TENM3: variants seen among roughly 807,000 people sequenced by gnomAD.
TENM3 encodes the protein teneurin-3.
A neutral mutation model predicts 255.1 loss-of-function variants in TENM3; 63 were observed. The ratio of observed to expected loss-of-function variants is 0.25; its 90% CI spans 0.20 to 0.30. TENM3 has a LOEUF of 0.30. TENM3 is among the 10% of genes least tolerant of loss of function. The pLI is 1.00. For missense variants in TENM3, 2,929 were observed against 3,461.1 expected (o/e 0.85, Z 3.86); for synonymous variants, 1,306 against 1,322.3 (o/e 0.99, Z 0.27).
the TENM3 span, among the ~76,000 whole-genome samples, chr4:181,655,682 A>G: frequency 1.3e-5 from 2 of 152,222 alleles, no homozygotes; most frequent in Non-Finnish European, 2.9e-5. Context: ...GTGTTATCCC[A>G]TTAAGACCTG....
chr4:182,479,651 T>C (rs1734005725), intron 3 of TENM3, among the ~76,000 whole-genome samples: 1 of 151,994 alleles, frequency 6.6e-6, no homozygotes, highest in Non-Finnish European at 1.5e-5. Flanking sequence ...TCATTTGTAG[T>C]GTTGAAAATA....
the TENM3 span, among the ~76,000 whole-genome samples, chr4:181,599,903 T>C: frequency 0.022 from 3,299 of 152,262 alleles, 56 homozygotes; most frequent in South Asian, 0.057. Flanking sequence ...GCCCCAGACC[T>C]AGACAATTCG....
chr4:181,960,572 G>A, the TENM3 span, among the ~76,000 whole-genome samples: 2 of 152,270 alleles, frequency 1.3e-5, no homozygotes, highest in Non-Finnish European at 2.9e-5. Flanking sequence ...TTTCCTTGAA[G>A]TAGGCTCTGA....
intron 12 of TENM3, among the ~76,000 whole-genome samples, chr4:182,703,581 A>G (rs1758051787): frequency 1.3e-5 from 2 of 152,254 alleles, no homozygotes; most frequent in African/African-American, 4.8e-5. Flanking sequence ...AGTGGTAAAC[A>G]TCTTTGCATA....
rs529550211 is a variant in TENM3, at chr4:182,362,589, C to T, written c.511+15660C>T. ...AAGCCCGTCGGAAAAGCTCAGTACT[C>T]GGGTGGGAGTGACCCGATTTTCCAG... is the stretch of plus-strand genomic sequence containing the variant. On this transcript the variant is annotated intron_variant, in intron 3 of 27. Transcript: ENST00000511685. Among the ~76,000 whole-genome samples, 57 of 152,210 alleles carry T rather than the reference C, an allele frequency of 3.7e-4. 1 individual carries two copies. Among genetic ancestry groups the T allele is most frequent in the African/African-American group, 1.1e-3 (45 of 41,510 alleles).
the TENM3 span, among the ~76,000 whole-genome samples, chr4:181,969,198 T>C: frequency 5.9e-5 from 9 of 152,200 alleles, no homozygotes; most frequent in Non-Finnish European, 1.3e-4. Flanking sequence ...ACGTTACAAA[T>C]GTTGACTAAC....
At chr4:182,438,439 T>C (rs1772209592) in intron 3 of TENM3, among the ~76,000 whole-genome samples, 1 of 152,204 alleles carries the variant, frequency 6.6e-6, no homozygotes, top group Admixed American at 6.5e-5. Context: ...CATCACGCAA[T>C]AGAGTAAGCT....
the TENM3 span, among the ~76,000 whole-genome samples, chr4:181,464,933 A>G: frequency 1.3e-5 from 2 of 152,222 alleles, no homozygotes; most frequent in Non-Finnish European, 2.9e-5. Context: ...AGCCTGGGCA[A>G]CAAGAGTGAA....
chr4:181,930,713 A>G, the TENM3 span, among the ~76,000 whole-genome samples: 1 of 152,294 alleles, frequency 6.6e-6, no homozygotes, highest in African/African-American at 2.4e-5. Context: ...CACACAACAA[A>G]AAAAGAAAAC....
At chr4:181,691,370 ACACG>A in the TENM3 span, among the ~76,000 whole-genome samples, 6 of 148,064 alleles carry the variant, frequency 4.1e-5, no homozygotes, top group African/African-American at 1.5e-4. Context: ...TTATACACAC[ACACG>A]ATAAGATCGT....
intron 3 of TENM3, among the ~76,000 whole-genome samples, chr4:182,386,657 T>TGCCG (rs1767946150): frequency 1.3e-5 from 2 of 152,292 alleles, no homozygotes; most frequent in East Asian, 1.9e-4. Context: ...CACTCGGAGC[T>TGCCG]GCCGGCCGGC....
the TENM3 span, among the ~76,000 whole-genome samples, chr4:181,555,525 A>G: frequency 3.3e-5 from 5 of 152,254 alleles, no homozygotes; most frequent in Non-Finnish European, 7.3e-5. Flanking sequence ...AACAAATAAA[A>G]TTCTTCAATA....
the TENM3 span, among the ~76,000 whole-genome samples, chr4:182,122,317 TTCCAGAAGGTTTTCAACTGACTTTG>T: frequency 6.6e-6 from 1 of 152,218 alleles, no homozygotes; most frequent in African/African-American, 2.4e-5. Flanking sequence ...GGCAAACCTT[TTCCAGAAGGTTTTCAACTGACTTTG>T]TCCAGATCCA....
intron 3 of TENM3, among the ~76,000 whole-genome samples, chr4:182,448,573 G>A (rs1773132624): frequency 1.3e-5 from 2 of 152,204 alleles, no homozygotes; most frequent in Non-Finnish European, 2.9e-5. Flanking sequence ...GCACGGGAAA[G>A]TAGCGCTGCC....
At chr4:182,015,948 G>C in the TENM3 span, among the ~76,000 whole-genome samples, 5 of 152,146 alleles carry the variant, frequency 3.3e-5, no homozygotes, top group African/African-American at 1.2e-4. Context: ...TTCTTTAAAA[G>C]TCTATTAACA....
rs578064750 is a variant in TENM3, at chr4:182,339,834, G to A, written c.233-6817G>A. 5.5e-4 allele frequency among the ~76,000 whole-genome samples: 83 copies of A among 152,096 alleles called. 1 individual carries two copies. In the Middle Eastern group the frequency reaches 0.014, roughly 25 times the overall value. ...ACATTGCAGGCGTATTATCATTGCCGGGCCTTGGATTGTTCTAAAGAAGTC... is the reference window on the plus strand; with the variant it reads ...ACATTGCAGGCGTATTATCATTGCCAGGCCTTGGATTGTTCTAAAGAAGTC... On this transcript the variant is annotated intron_variant, in intron 2 of 27. Transcript: ENST00000511685.
At chr4:182,259,888 C>A (rs545449332) in intron 1 of TENM3, among the ~76,000 whole-genome samples, 1 of 152,134 alleles carries the variant, frequency 6.6e-6, no homozygotes, top group Non-Finnish European at 1.5e-5. Flanking sequence ...TTTGTACCCA[C>A]TTATCATCCT....
chr4:182,525,370 C>T (rs1266993272), intron 3 of TENM3, among the ~76,000 whole-genome samples: 3 of 152,174 alleles, frequency 2.0e-5, no homozygotes, highest in Non-Finnish European at 4.4e-5. Flanking sequence ...CATATTATCT[C>T]CAGTTTTACA....
At chr4:181,971,741 A>G in the TENM3 span, among the ~76,000 whole-genome samples, 6 of 152,032 alleles carry the variant, frequency 3.9e-5, no homozygotes, top group South Asian at 1.2e-3. Flanking sequence ...TAATTTTTAA[A>G]AAATGTTTGT....
Sources: gnomAD v4.1 joint callset for allele counts (sites outside exome capture counted in the v4.1 genomes callset) on GRCh38, gnomAD v4.1.1 for gene constraint, MANE v1.5 for transcripts, NCBI Gene and HGNC (gene_info 2026-07-23, HGNC 2026-07-21) for gene names.